Variants in PROS1 observed in about 807,000 individuals in gnomAD.
PROS1 encodes vitamin K-dependent protein S.
PROS1 carries 29 observed loss-of-function variants against 75.9 expected under a neutral mutation model. The observed-to-expected ratio is 0.38, with a 90% CI of 0.28 to 0.52. The LOEUF is 0.52. PROS1 is among the 20% of genes least tolerant of loss of function. The pLI is 0.83. For synonymous variants in PROS1, 245 were observed against 280.6 expected, an observed-to-expected ratio of 0.87 and a Z score of 1.27; for missense variants, 680 against 810.3, an observed-to-expected ratio of 0.84 and a Z score of 1.95.
At chr3:93,915,272 C>T (rs1266484975) in intron 3 of PROS1, among the ~76,000 whole-genome samples, 2 of 152,062 alleles carry the variant, frequency 1.3e-5, no homozygotes, top group East Asian at 1.9e-4. Context: ...TTTGAGGCTG[C>T]CTGGCAAACA....
At chr3:93,935,912 C>T (rs1709175197) in intron 1 of PROS1, among the ~76,000 whole-genome samples, 1 of 134,880 alleles carries the variant, frequency 7.4e-6, no homozygotes, top group Non-Finnish European at 1.6e-5. Flanking sequence ...ATAAAACAAG[C>T]AGAAAGGAAA....
intron 3 of PROS1, among the ~76,000 whole-genome samples, chr3:93,911,532 G>A (rs1235336738): frequency 3.9e-5 from 6 of 152,064 alleles, no homozygotes; most frequent in South Asian, 2.1e-4. Context: ...CATGATTTGC[G>A]GGTCAAATAT....
At chr3:93,945,490 G>C (rs1399115367) in intron 1 of PROS1, among the ~76,000 whole-genome samples, 1 of 152,118 alleles carries the variant, frequency 6.6e-6, no homozygotes, top group Non-Finnish European at 1.5e-5. Context: ...CCCTGGAATG[G>C]AAGGCTGGTT....
At chr3:93,956,847 G>A (rs1470892378) in intron 1 of PROS1, among the ~76,000 whole-genome samples, 1 of 151,976 alleles carries the variant, frequency 6.6e-6, no homozygotes, top group Non-Finnish European at 1.5e-5. Flanking sequence ...TCCAACTTTG[G>A]CAAAGATGAG....
chr3:93,942,439 A>T (rs768485964), intron 1 of PROS1, among the ~76,000 whole-genome samples: 5 of 152,140 alleles, frequency 3.3e-5, no homozygotes, highest in Non-Finnish European at 5.9e-5. Context: ...AGGAAGCTGG[A>T]GTCATATACT....
At chr3:93,895,503 G>A (rs950477076) in intron 9 of PROS1, among the ~76,000 whole-genome samples, 4 of 152,132 alleles carry the variant, frequency 2.6e-5, no homozygotes, top group African/African-American at 4.8e-5. Flanking sequence ...TTTTAATAAC[G>A]TCTATGAATT....
chr3:93,890,606 T>G (rs1167327833), intron 10 of PROS1, among the ~76,000 whole-genome samples: 3 of 152,302 alleles, frequency 2.0e-5, no homozygotes, highest in African/African-American at 7.2e-5. Context: ...TCTTTATTTC[T>G]CAGCCAGCCG....
chr3:93,943,624 G>T (rs776148689), intron 1 of PROS1, among the ~76,000 whole-genome samples: 9 of 151,942 alleles, frequency 5.9e-5, no homozygotes, highest in Non-Finnish European at 1.3e-4. Context: ...AATTTTTGCT[G>T]CTCTAACACT....
rs569034825 is a variant in PROS1 at position 93,873,272 on chromosome 3, C to A, written c.*973G>T. The A allele has an allele frequency of 6.6e-6, 1 of 152,314 alleles. No homozygotes were observed. Among genetic ancestry groups the A allele is most frequent in the African/African-American group, 2.4e-5 (1 of 41,584 alleles). The allele number at this position is 152,314 out of a possible 1,614,324, so 9.4% of individuals were successfully genotyped here. ...AAATGCATCACAGTACCAGCAGGCA[C>A]GTGGCAATCTTACCTCCTTACTTCT... On this transcript the variant is annotated 3_prime_UTR_variant, in exon 15 of 15. Coordinates refer to ENST00000394236, the MANE Select transcript of PROS1 (RefSeq NM_000313.4).
chr3:93,954,226 T>G (rs1709560497), intron 1 of PROS1, among the ~76,000 whole-genome samples: 2 of 152,138 alleles, frequency 1.3e-5, no homozygotes, highest in South Asian at 2.1e-4. Flanking sequence ...AAGAAACTAC[T>G]TTGAAGTTTA....
chr3:93,908,425 T>C (rs1324208243), intron 4 of PROS1, among the ~76,000 whole-genome samples: 3 of 151,972 alleles, frequency 2.0e-5, no homozygotes, highest in African/African-American at 7.3e-5. Context: ...AAACAAATAT[T>C]GGAGTTTGGG....
chr3:93,924,346 T>C (rs1473338106), intron 2 of PROS1, 82 bp from the exon 3 acceptor site: 2 of 816,994 alleles, frequency 2.4e-6, no homozygotes, highest in Non-Finnish European at 1.7e-6. Flanking sequence ...AATGTGTTTT[T>C]ATATTAAAGA....
chr3:93,958,436 C>A (rs1709645872), intron 1 of PROS1: 1 of 152,240 alleles, frequency 6.6e-6, no homozygotes, highest in South Asian at 2.1e-4. Context: ...AAAATTCCAA[C>A]ATCTGTCAAA....
chr3:93,956,559 C>CAA (rs1553819522), intron 1 of PROS1, among the ~76,000 whole-genome samples: 556 of 54,180 alleles, frequency 0.01, no homozygotes, highest in Admixed American at 0.079. Flanking sequence ...CACACACACA[C>CAA]ACAAACACAC....
At chr3:93,931,834 A>T in intron 1 of PROS1, among the ~76,000 whole-genome samples, 1 of 152,246 alleles carries the variant, frequency 6.6e-6, no homozygotes, top group East Asian at 1.9e-4. Flanking sequence ...GCCACAGCTC[A>T]TACTCTGCTC....
intron 1 of PROS1, among the ~76,000 whole-genome samples, chr3:93,936,683 T>G (rs1463732910): frequency 6.6e-6 from 1 of 152,272 alleles, no homozygotes; most frequent in East Asian, 1.9e-4. Context: ...ATTTCTATGG[T>G]TTAAGCCATG....
chr3:93,929,687 C>T (rs1709075063), intron 1 of PROS1, among the ~76,000 whole-genome samples: 1 of 152,078 alleles, frequency 6.6e-6, no homozygotes, highest in African/African-American at 2.4e-5. Flanking sequence ...TGGAAAAATA[C>T]ACAGAAAAGA....
At chr3:93,930,012 G>GTTACTATAT (rs1709082133) in intron 1 of PROS1, among the ~76,000 whole-genome samples, 1 of 152,146 alleles carries the variant, frequency 6.6e-6, no homozygotes, top group African/African-American at 2.4e-5. Flanking sequence ...TTTATCAACA[G>GTTACTATAT]TTACTATATT....
chr3:93,904,862 A>G (rs1345396036), intron 6 of PROS1, among the ~76,000 whole-genome samples: 1 of 152,212 alleles, frequency 6.6e-6, no homozygotes, highest in East Asian at 1.9e-4. Flanking sequence ...AACAAAACAA[A>G]TACACTAGTA....
Sources: gnomAD v4.1 joint callset for allele counts (sites outside exome capture counted in the v4.1 genomes callset) on GRCh38, gnomAD v4.1.1 for gene constraint, MANE v1.5 for transcripts, NCBI Gene and HGNC (gene_info 2026-07-23, HGNC 2026-07-21) for gene names.